The following ABCA9 variants were observed in gnomAD, a reference collection of about 807,000 sequenced individuals.
ABCA9 encodes ATP binding cassette subfamily A member 9, also known as ATP-binding cassette sub-family A member 9.
Under a neutral mutation model 205.3 loss-of-function variants are expected in ABCA9, and 183 were observed. The observed-to-expected ratio is 0.89, with a 90% confidence interval of 0.79 to 1.01. The LOEUF (loss-of-function observed/expected upper bound fraction) is 1.01, where lower values mean the gene tolerates loss of function less well. Among genes scored for constraint, ABCA9 ranks in the 50% least tolerant of loss-of-function variants. The pLI, the probability that ABCA9 is intolerant of heterozygous loss-of-function variation, is 0.00. For synonymous variants in ABCA9, 651 were observed against 683.3 expected (o/e 0.95, Z 0.74); for missense variants, 1,805 against 1,912.4 (o/e 0.94, Z 1.05).
Position 69,017,892 on chromosome 17 carries a change from CTG to C in ABCA9, c.2768-105_2768-104del, listed in dbSNP as rs1477726538. On this transcript the variant is annotated intron_variant, in intron 20 of 38. Transcript: ENST00000340001. ...ACACAAAGCATATCACACAAAAGGA[CTG>C]TCTAAGGCTTTTCTTAAAAAAGCAG... 4.8e-5 allele frequency: 61 copies of C among 1,275,992 alleles called. No individual in the cohort carries two copies. The South Asian group carries it at 8.4e-4, about 18-fold the overall frequency. 79.0% of individuals were successfully genotyped at this position (1,275,992 alleles called of 1,614,324 possible).
At chr17:69,038,650 C>T (rs1489742402) in intron 6 of ABCA9, among the ~76,000 whole-genome samples, 1 of 152,100 alleles carries the variant, frequency 6.6e-6, no homozygotes, top group African/African-American at 2.4e-5. Flanking sequence ...TCTTTGAAAA[C>T]CAGCACAAGA....
intron 10 of ABCA9, among the ~76,000 whole-genome samples, chr17:69,029,800 A>G (rs2071101786): frequency 6.6e-6 from 1 of 152,230 alleles, no homozygotes; most frequent in South Asian, 2.1e-4. Flanking sequence ...GCAGAACACA[A>G]AATACTTGGA....
At chr17:69,063,240 G>T (rs904192077), upstream of ABCA9, among the ~76,000 whole-genome samples, 2 of 152,008 alleles carry the variant, frequency 1.3e-5, no homozygotes, top group African/African-American at 2.4e-5. Flanking sequence ...CTTGCCTTTT[G>T]CTTCATTTAT....
Position 69,027,816 on chromosome 17 carries a change from C to G in ABCA9, c.1616-1G>C. Reference sequence around the variant, plus strand: ...GTGTGATTATAGACAGTGACTGAACCTGAAAGCAGAAGGCAGAGAGTGACC... The same window carrying G: ...GTGTGATTATAGACAGTGACTGAACGTGAAAGCAGAAGGCAGAGAGTGACC... On this transcript the variant is annotated splice_acceptor_variant, in intron 12 of 38. Transcript: ENST00000340001. LOFTEE classifies it high-confidence loss of function. The G allele has an allele frequency of 6.3e-7, 1 of 1,598,394 alleles. No individual in the cohort carries two copies. Among genetic ancestry groups the G allele is most frequent in the Non-Finnish European group, 8.5e-7 (1 of 1,172,680 alleles).
In ABCA9 at chr17:69,051,152, A is replaced by G; in HGVS notation, c.-13-13T>C. 1 of 1,611,380 alleles carries G rather than the reference A, an allele frequency of 6.2e-7. No homozygotes were observed. The highest frequency in any genetic ancestry group is 8.5e-7 in the Non-Finnish European group (1 of 1,178,670). On this transcript the variant is annotated splice_polypyrimidine_tract_variant and intron_variant, in intron 1 of 38. Coordinates refer to ENST00000340001, the MANE Select transcript of ABCA9 (RefSeq NM_080283.4). The stretch of plus-strand genomic sequence containing the variant: ...TTTGACCTGTTTCCTTTAAAAAGAC[A>G]GAAAAAAAATGAAGTACATGTGAAG...
At chr17:69,019,587 TCACCCTCAAGG>T (rs1191996458) in intron 19 of ABCA9, among the ~76,000 whole-genome samples, 1 of 152,182 alleles carries the variant, frequency 6.6e-6, no homozygotes, top group African/African-American at 2.4e-5. Flanking sequence ...ATATGTCTAA[TCACCCTCAAGG>T]GTGGACTGTC....
At chr17:69,052,145 A>T (rs1169397587) in intron 1 of ABCA9, among the ~76,000 whole-genome samples, 1 of 152,152 alleles carries the variant, frequency 6.6e-6, no homozygotes, top group Non-Finnish European at 1.5e-5. Context: ...CTGAGGCAGG[A>T]GGATTGCTTG....
rs564958893 is a variant in ABCA9 at position 68,997,532 on chromosome 17, A to C, written c.3436-1518T>G. ...GAATTCTTTATTTCCTGGTTGTATT[A>C]ATTTTAACCCTAAGTGGTTCCTCTT... is the stretch of plus-strand genomic sequence containing the variant. On this transcript the variant is annotated intron_variant, in intron 25 of 38. Coordinates refer to ENST00000340001, the MANE Select transcript of ABCA9 (RefSeq NM_080283.4). Among the ~76,000 whole-genome samples, 15 of 148,430 alleles carry C rather than the reference A, an allele frequency of 1.0e-4. No homozygotes were observed. In the South Asian group the frequency reaches 2.5e-3, roughly 25 times the overall value.
At chr17:68,977,956 G>T (rs2068934603) in intron 37 of ABCA9, among the ~76,000 whole-genome samples, 1 of 152,168 alleles carries the variant, frequency 6.6e-6, no homozygotes, top group South Asian at 2.1e-4. Context: ...GTTGATTTGG[G>T]GTGGAGAGTT....
intron 26 of ABCA9, among the ~76,000 whole-genome samples, 200 bp from the exon 27 acceptor site, chr17:68,993,284 C>T (rs2144048520): frequency 6.6e-6 from 1 of 152,292 alleles, no homozygotes; most frequent in South Asian, 2.1e-4. Flanking sequence ...GCCGGGATGC[C>T]TTTGTATGTA....
chr17:68,978,964 G>T (rs2068961708), intron 37 of ABCA9, among the ~76,000 whole-genome samples: 1 of 151,728 alleles, frequency 6.6e-6, no homozygotes, highest in East Asian at 1.9e-4. Context: ...AGGAAATAAA[G>T]GGTATTCAAT....
In ABCA9 at chr17:68,989,004, A is replaced by G. The variant is rs777271711; in HGVS notation, c.4047+23T>C. 4 of 1,473,024 alleles carry G rather than the reference A, an allele frequency of 2.7e-6. No homozygotes were observed. The African/African-American group carries it at 4.2e-5, about 15-fold the overall frequency. 91.2% of individuals were successfully genotyped at this position (1,473,024 alleles called of 1,614,324 possible). On this transcript the variant is annotated intron_variant, in intron 31 of 38. Coordinates refer to ENST00000340001, the MANE Select transcript of ABCA9 (RefSeq NM_080283.4). ...TTCTTTGTAGGTAGCACTAATGACC[A>G]TATTCCTGTACGTTTTACTGACCTG...
rs2072219395 is a variant in ABCA9 at position 69,060,778 on chromosome 17, T to C, written c.-14+88A>G. 5 of 864,122 alleles carry C rather than the reference T, an allele frequency of 5.8e-6. No homozygotes were observed. The South Asian group carries it at 2.1e-4, about 37-fold the overall frequency. The allele number at this position is 864,122 out of a possible 1,614,324, so 53.5% of individuals were successfully genotyped here. A position where few individuals can be genotyped will look rare whatever the true frequency, so the allele number is the denominator to read the frequency against. On this transcript the variant is annotated intron_variant, in intron 1 of 38. Coordinates refer to ENST00000340001, the MANE Select transcript of ABCA9 (RefSeq NM_080283.4). Reference sequence around the variant, plus strand: ...GTTAATAACTTACTGCTTTTAATGGTTTCTACCTAAACGTCTGGCATGCCT... The same window carrying C: ...GTTAATAACTTACTGCTTTTAATGGCTTCTACCTAAACGTCTGGCATGCCT...
At chr17:68,982,518 C>T (rs1567911183) in intron 37 of ABCA9, 44 bp downstream of exon 37, 1 of 1,448,400 alleles carries the variant, frequency 6.9e-7, no homozygotes. Flanking sequence ...CAGATTTAGG[C>T]TTATCTGTTT....
chr17:69,027,946 A>G, intron 12 of ABCA9, 131 bp from the exon 13 acceptor site: 1 of 710,302 alleles, frequency 1.4e-6, no homozygotes. Flanking sequence ...AGGAATATGC[A>G]ATGAACTGAT....
At chr17:69,028,757 A>G in intron 11 of ABCA9, 112 bp from the exon 12 acceptor site, 1 of 513,650 alleles carries the variant, frequency 1.9e-6, no homozygotes, top group Non-Finnish European at 3.3e-6. Flanking sequence ...AATATTCAAA[A>G]TAAAATTCAT....
chr17:69,017,907 C>T (rs2070679223), intron 20 of ABCA9, 118 bp from the exon 21 acceptor site: 1 of 1,131,880 alleles, frequency 8.8e-7, no homozygotes. Context: ...TAAGGCTTTT[C>T]TTAAAAAAGC....
At chr17:69,072,644 A>G in the ABCA9 span, among the ~76,000 whole-genome samples, 1 of 152,200 alleles carries the variant, frequency 6.6e-6, no homozygotes, top group Non-Finnish European at 1.5e-5. Context: ...GCAAAAAAAA[A>G]AAACAAAATG....
the ABCA9 span, among the ~76,000 whole-genome samples, chr17:69,066,990 G>A: frequency 8.0e-4 from 122 of 152,196 alleles, no homozygotes; most frequent in African/African-American, 2.8e-3. Flanking sequence ...GAAAGGCATC[G>A]ATAGCTATTG....
Sources: gnomAD v4.1 joint callset for allele counts (sites outside exome capture counted in the v4.1 genomes callset) on GRCh38, gnomAD v4.1.1 for gene constraint, MANE v1.5 for transcripts, NCBI Gene and HGNC (gene_info 2026-07-23, HGNC 2026-07-21) for gene names.